The following CSRNP3 variants were observed in gnomAD, a reference collection of about 807,000 sequenced individuals.
The protein encoded by CSRNP3 is cysteine and serine rich nuclear protein 3.
CSRNP3 carries 12 observed loss-of-function variants against 48.0 expected under a neutral mutation model. The ratio of observed to expected loss-of-function variants is 0.25; its 90% CI spans 0.16 to 0.41. The LOEUF (loss-of-function observed/expected upper bound fraction) is 0.41. CSRNP3 is among the 10% of genes least tolerant of loss of function. The pLI is 1.00. For synonymous variants in CSRNP3, 263 were observed against 269.7 expected (o/e 0.98, Z 0.24); for missense variants, 580 against 724.4 (o/e 0.80, Z 2.29).
chr2:165,667,119 GAGAGAA>G (rs1196370961), intron 5 of CSRNP3, among the ~76,000 whole-genome samples: 2 of 136,880 alleles, frequency 1.5e-5, no homozygotes, highest in Admixed American at 1.5e-4. Flanking sequence ...AGGAAGGAAA[GAGAGAA>G]AGAAAGAAAG....
chr2:165,618,680 C>A (rs1043521971), intron 4 of CSRNP3, among the ~76,000 whole-genome samples: 7 of 152,132 alleles, frequency 4.6e-5, no homozygotes, highest in African/African-American at 1.7e-4. Context: ...TTGTCCAGAG[C>A]CCACACAGAG....
In CSRNP3 at chr2:165,639,074, C is replaced by T. The variant is rs146985535; in HGVS notation, c.149-18687C>T. On this transcript the variant is annotated intron_variant, in intron 4 of 6. Transcript: ENST00000651982. ...GATTGATTAACATTAAACTTATGACCAACAACACCATAACTTATGCCTGAA... is the reference window on the plus strand; with the variant it reads ...GATTGATTAACATTAAACTTATGACTAACAACACCATAACTTATGCCTGAA... 3.9e-5 allele frequency among the ~76,000 whole-genome samples: 6 copies of T among 152,092 alleles called. No homozygotes were observed. In the South Asian group the frequency reaches 1.0e-3, roughly 26 times the overall value.
intron 1 of CSRNP3, among the ~76,000 whole-genome samples, chr2:165,486,043 C>T (rs1361035420): frequency 6.6e-6 from 1 of 152,150 alleles, no homozygotes; most frequent in East Asian, 1.9e-4. Flanking sequence ...CCGGGTTCAT[C>T]TCACTAGGGA....
At chr2:165,564,264 T>A (rs1273581411) in intron 3 of CSRNP3, among the ~76,000 whole-genome samples, 1 of 151,994 alleles carries the variant, frequency 6.6e-6, no homozygotes, top group Non-Finnish European at 1.5e-5. Context: ...TTCCTTGATA[T>A]CTAAAAGCTT....
chr2:165,517,347 T>C (rs1475391210), intron 2 of CSRNP3, among the ~76,000 whole-genome samples: 1 of 151,982 alleles, frequency 6.6e-6, no homozygotes, highest in Non-Finnish European at 1.5e-5. Context: ...AGGCCTAAGT[T>C]ATCTTAAATC....
At chr2:165,643,775 C>T (rs1201186484) in intron 4 of CSRNP3, among the ~76,000 whole-genome samples, 5 of 152,140 alleles carry the variant, frequency 3.3e-5, no homozygotes, top group East Asian at 1.9e-4. Context: ...AGGCCTTCTA[C>T]GTATGTCTCA....
chr2:165,486,270 C>T, intron 1 of CSRNP3, among the ~76,000 whole-genome samples: 1 of 152,196 alleles, frequency 6.6e-6, no homozygotes, highest in East Asian at 1.9e-4. Flanking sequence ...GAGACTATAT[C>T]CCACACCTGG....
At chr2:165,565,262 A>G (rs1685282613) in intron 3 of CSRNP3, among the ~76,000 whole-genome samples, 1 of 152,134 alleles carries the variant, frequency 6.6e-6, no homozygotes, top group African/African-American at 2.4e-5. Context: ...CACATAAGAA[A>G]GTCTTAGAAT....
intron 1 of CSRNP3, among the ~76,000 whole-genome samples, chr2:165,491,807 G>A (rs1574801542): frequency 9.7e-6 from 1 of 103,404 alleles, no homozygotes; most frequent in East Asian, 3.4e-4. Flanking sequence ...TTGTGGGGTG[G>A]GGGGAGGGGG....
At position 165,564,041 on chromosome 2, in the gene CSRNP3, A is replaced by G. The variant is rs77846441; in HGVS notation, c.-23-31002A>G. Among the ~76,000 whole-genome samples the G allele has an allele frequency of 1.2e-3, 189 of 152,196 alleles. 1 individual carries two copies. In the East Asian group the frequency reaches 0.027, roughly 21 times the overall value. Reference sequence around the variant, plus strand: ...CACCTCTAATCACCCCTTTTGGTCTATCGCCACCTAGGGAAAGAATGGAAA... The same window carrying G: ...CACCTCTAATCACCCCTTTTGGTCTGTCGCCACCTAGGGAAAGAATGGAAA... On this transcript the variant is annotated intron_variant, in intron 3 of 6. Coordinates refer to ENST00000651982, the MANE Select transcript of CSRNP3 (RefSeq NM_001172173.2).
chr2:165,595,323 C>T, intron 4 of CSRNP3, 110 bp downstream of exon 4: 1 of 1,058,928 alleles, frequency 9.4e-7, no homozygotes, highest in African/African-American at 1.6e-5. Flanking sequence ...TCCCATCAAC[C>T]AAATACAAAG....
intron 3 of CSRNP3, chr2:165,574,405 G>A: frequency 6.5e-7 from 1 of 1,550,254 alleles, no homozygotes; most frequent in Non-Finnish European, 8.7e-7. Context: ...CAGCGTGTGT[G>A]CCGTAGTCGT....
At chr2:165,540,982 A>G (rs1684949082) in intron 3 of CSRNP3, among the ~76,000 whole-genome samples, 1 of 152,026 alleles carries the variant, frequency 6.6e-6, no homozygotes, top group Non-Finnish European at 1.5e-5. Flanking sequence ...GTTTTCTCTG[A>G]AGAGTATGGC....
At chr2:165,634,001 A>G (rs746729178) in intron 4 of CSRNP3, among the ~76,000 whole-genome samples, 2 of 152,210 alleles carry the variant, frequency 1.3e-5, no homozygotes, top group Non-Finnish European at 2.9e-5. Flanking sequence ...TATTAAACCA[A>G]TTCATTTATT....
At chr2:165,505,685 C>A (rs552383785) in intron 2 of CSRNP3, among the ~76,000 whole-genome samples, 2 of 151,942 alleles carry the variant, frequency 1.3e-5, no homozygotes, top group Non-Finnish European at 2.9e-5. Context: ...TTCTAACTTC[C>A]GGAGGTTTTT....
rs373723450 is a variant in CSRNP3 at position 165,546,201 on chromosome 2, A to G, written c.-24+28240A>G. 4.0e-5 allele frequency among the ~76,000 whole-genome samples: 6 copies of G among 151,756 alleles called. No homozygotes were observed. The South Asian group carries it at 1.3e-3, about 32-fold the overall frequency. ...TGCTTTTGATTTTTTGTTTTGTTTT[A>G]TTTTGTTTGAGACAGAGTCTCACTC... On this transcript the variant is annotated intron_variant, in intron 3 of 6. Coordinates refer to ENST00000651982, the MANE Select transcript of CSRNP3 (RefSeq NM_001172173.2).
chr2:165,564,139 G>A (rs559596059), intron 3 of CSRNP3, among the ~76,000 whole-genome samples: 50 of 152,154 alleles, frequency 3.3e-4, no homozygotes, highest in African/African-American at 1.0e-3. Flanking sequence ...ATTTCTTACA[G>A]AAAATTTTCA....
At chr2:165,662,526 C>G (rs1477317445) in intron 5 of CSRNP3, among the ~76,000 whole-genome samples, 1 of 152,206 alleles carries the variant, frequency 6.6e-6, no homozygotes, top group Non-Finnish European at 1.5e-5. Context: ...TCAATGCAGT[C>G]ATCTTAATAC....
intron 1 of CSRNP3, among the ~76,000 whole-genome samples, chr2:165,475,825 T>G (rs1297725227): frequency 6.6e-6 from 1 of 152,190 alleles, no homozygotes; most frequent in East Asian, 1.9e-4. Flanking sequence ...TCTTGCAGAC[T>G]TTTTATTGTC....
Sources: gnomAD v4.1 joint callset for allele counts (sites outside exome capture counted in the v4.1 genomes callset) on GRCh38, gnomAD v4.1.1 for gene constraint, MANE v1.5 for transcripts, NCBI Gene and HGNC (gene_info 2026-07-23, HGNC 2026-07-21) for gene names.